GALNT13: variants seen among roughly 807,000 people sequenced by gnomAD.
The protein encoded by GALNT13 is polypeptide N-acetylgalactosaminyltransferase 13.
Under a neutral mutation model 64.2 loss-of-function variants are expected in GALNT13, and 28 were observed. The ratio of observed to expected loss-of-function variants is 0.44; its 90% confidence interval spans 0.32 to 0.60. The LOEUF (loss-of-function observed/expected upper bound fraction) is 0.60. GALNT13 is among the 20% of genes least tolerant of loss of function. GALNT13 has a pLI of 0.05. For synonymous variants in GALNT13, 214 were observed against 224.6 expected (o/e 0.95, Z 0.42); for missense variants, 577 against 669.8 (o/e 0.86, Z 1.53).
chr2:154,380,148 C>G (rs1052686863), intron 9 of GALNT13, among the ~76,000 whole-genome samples: 1 of 152,006 alleles, frequency 6.6e-6, no homozygotes, highest in Non-Finnish European at 1.5e-5. Context: ...CTTTAACTCT[C>G]ACTGTGCCAA....
chr2:154,162,077 G>A (rs994922443), intron 4 of GALNT13, among the ~76,000 whole-genome samples: 10 of 152,202 alleles, frequency 6.6e-5, no homozygotes, highest in Middle Eastern at 3.4e-3. Flanking sequence ...CACCGTGCCA[G>A]GCACAAGTGT....
intron 3 of GALNT13, among the ~76,000 whole-genome samples, chr2:154,053,095 T>C (rs1229777165): frequency 6.6e-6 from 1 of 152,142 alleles, no homozygotes; most frequent in African/African-American, 2.4e-5. Context: ...TTAAAAAACT[T>C]CCCACAGCTG....
intron 4 of GALNT13, among the ~76,000 whole-genome samples, chr2:154,239,248 T>G (rs1373723119): frequency 6.6e-6 from 1 of 152,176 alleles, no homozygotes; most frequent in Non-Finnish European, 1.5e-5. Context: ...AGTTTGACAT[T>G]TTAAATCATT....
intron 1 of GALNT13, among the ~76,000 whole-genome samples, chr2:153,879,381 T>TGC: frequency 6.9e-6 from 1 of 144,266 alleles, no homozygotes; most frequent in East Asian, 2.0e-4. Context: ...TGTGTGTGTG[T>TGC]GCATGTGTGT....
At chr2:154,298,547 T>TAAAATTGTATATATTTATATATA (rs1404051639) in intron 8 of GALNT13, among the ~76,000 whole-genome samples, 36 of 62,304 alleles carry the variant, frequency 5.8e-4, no homozygotes, top group Non-Finnish European at 1.2e-3. Context: ...TATTTATATA[T>TAAAATTGTATATATTTATATATA]AAATTGTATA....
At chr2:153,968,930 T>C (rs1388844699) in intron 3 of GALNT13, among the ~76,000 whole-genome samples, 1 of 149,044 alleles carries the variant, frequency 6.7e-6, no homozygotes, top group Non-Finnish European at 1.5e-5. Flanking sequence ...GCTAAATTAC[T>C]TTAAAATCAG....
chr2:154,259,381 A>T (rs1690566607), intron 8 of GALNT13, among the ~76,000 whole-genome samples: 1 of 152,334 alleles, frequency 6.6e-6, no homozygotes, highest in Middle Eastern at 3.4e-3. Context: ...GTAAAAATAC[A>T]TTAGGACTTT....
the GALNT13 span, among the ~76,000 whole-genome samples, chr2:153,075,893 C>G: frequency 2.0e-5 from 3 of 151,630 alleles, no homozygotes. Flanking sequence ...CTCTACCTTG[C>G]TTTTTTTTAA....
chr2:154,051,107 A>G (rs949320683), intron 3 of GALNT13, among the ~76,000 whole-genome samples: 4 of 152,126 alleles, frequency 2.6e-5, no homozygotes, highest in African/African-American at 9.7e-5. Context: ...AATAATATCC[A>G]TCATATCATC....
At chr2:153,348,418 G>T in the GALNT13 span, among the ~76,000 whole-genome samples, 6 of 152,228 alleles carry the variant, frequency 3.9e-5, no homozygotes, top group East Asian at 1.2e-3. Context: ...GGTATACTTT[G>T]TGAATTCATT....
At chr2:153,241,542 TG>T in the GALNT13 span, among the ~76,000 whole-genome samples, 6 of 152,216 alleles carry the variant, frequency 3.9e-5, no homozygotes, top group East Asian at 1.2e-3. Context: ...CACAGTGAGC[TG>T]GGTCCTTCAA....
intron 8 of GALNT13, among the ~76,000 whole-genome samples, chr2:154,290,019 C>T (rs948954370): frequency 6.6e-5 from 10 of 152,282 alleles, no homozygotes; most frequent in African/African-American, 2.2e-4. Flanking sequence ...CTGTCAACTC[C>T]CATAGCTAGG....
At chr2:154,176,852 T>C (rs1685682364) in intron 4 of GALNT13, among the ~76,000 whole-genome samples, 1 of 152,178 alleles carries the variant, frequency 6.6e-6, no homozygotes, top group African/African-American at 2.4e-5. Flanking sequence ...CTTAGTGACT[T>C]CATTTTATTT....
the GALNT13 span, among the ~76,000 whole-genome samples, chr2:153,785,388 A>G: frequency 6.6e-6 from 1 of 152,134 alleles, no homozygotes; most frequent in Non-Finnish European, 1.5e-5. Context: ...GCAAGCTGCC[A>G]TTTTTGCTGT....
At chr2:154,320,819 T>A (rs545474637) in intron 9 of GALNT13, among the ~76,000 whole-genome samples, 1 of 152,322 alleles carries the variant, frequency 6.6e-6, no homozygotes, top group East Asian at 1.9e-4. Flanking sequence ...TCTTTCTCTG[T>A]ATAAACCTAA....
chr2:153,545,603 C>A, the GALNT13 span, among the ~76,000 whole-genome samples: 1 of 152,150 alleles, frequency 6.6e-6, no homozygotes, highest in Non-Finnish European at 1.5e-5. Flanking sequence ...GGCCCAGCAG[C>A]CCGAGGGATA....
At chr2:154,203,463 A>G (rs912279692) in intron 4 of GALNT13, among the ~76,000 whole-genome samples, 4 of 152,186 alleles carry the variant, frequency 2.6e-5, no homozygotes, top group African/African-American at 9.7e-5. Flanking sequence ...CCATATAGAT[A>G]GAAAGATAGA....
intron 9 of GALNT13, among the ~76,000 whole-genome samples, chr2:154,314,252 A>G (rs1482735099): frequency 6.6e-6 from 1 of 152,184 alleles, no homozygotes; most frequent in Non-Finnish European, 1.5e-5. Flanking sequence ...ATGAGTAATT[A>G]CACTAAATTT....
intron 3 of GALNT13, among the ~76,000 whole-genome samples, chr2:154,127,403 A>G (rs1444466522): frequency 6.6e-6 from 1 of 152,136 alleles, no homozygotes; most frequent in Non-Finnish European, 1.5e-5. Context: ...CAGAAGGTTC[A>G]TAGTTATCTT....
Sources: gnomAD v4.1 joint callset for allele counts (sites outside exome capture counted in the v4.1 genomes callset) on GRCh38, gnomAD v4.1.1 for gene constraint, MANE v1.5 for transcripts, NCBI Gene and HGNC (gene_info 2026-07-23, HGNC 2026-07-21) for gene names.